Variants in NLRP1 observed in about 807,000 individuals in gnomAD.
NLRP1 encodes the protein NACHT, LRR and PYD domains-containing protein 1.
In NLRP1, 94 loss-of-function variants were observed where a neutral mutation model predicts 136.7. The observed-to-expected ratio is 0.69, with a 90% CI of 0.58 to 0.82. NLRP1 has a LOEUF of 0.82. NLRP1 is among the 40% of genes least tolerant of loss of function. NLRP1 has a pLI of 0.00. For missense variants in NLRP1, 1,575 were observed against 1,802.7 expected (o/e 0.87, Z 2.29); for synonymous variants, 690 against 725.1 (o/e 0.95, Z 0.78).
At chr17:5,530,008 C>T (rs1276855459) in intron 12 of NLRP1, 2 of 456,876 alleles carry the variant, frequency 4.4e-6, no homozygotes, top group Non-Finnish European at 8.8e-6. Context: ...GCCCCTGTTT[C>T]ATGGCTCCAG....
intron 3 of NLRP1, among the ~76,000 whole-genome samples, chr17:5,574,632 A>C (rs1446257892): frequency 6.6e-6 from 1 of 151,920 alleles, no homozygotes; most frequent in Non-Finnish European, 1.5e-5. Flanking sequence ...TACAAGCCAG[A>C]AGAGAGTGGG....
At chr17:5,551,112 C>T (rs1913301943) in intron 5 of NLRP1, among the ~76,000 whole-genome samples, 1 of 152,106 alleles carries the variant, frequency 6.6e-6, no homozygotes, top group Non-Finnish European at 1.5e-5. Context: ...ATTTTGATTG[C>T]TGTAAAATAA....
chr17:5,578,475 G>T (rs1905240505), intron 3 of NLRP1, among the ~76,000 whole-genome samples: 1 of 152,182 alleles, frequency 6.6e-6, no homozygotes, highest in Admixed American at 6.5e-5. Context: ...CTTCTCAAAA[G>T]AAGACATTTA....
chr17:5,501,604 A>T (rs923394041), exon 16 of NLRP1: 23 of 507,520 alleles, frequency 4.5e-5, no homozygotes, highest in African/African-American at 4.5e-4. Context: ...CTGCATCTGT[A>T]TGTGTACAAC....
rs202036104 is a variant in NLRP1, at chr17:5,514,604, A to G, written c.*150T>C. ...CCTGTGGCATCCCTGGCATGGACACATAATGCCCAGCAAAGGCATCATCAA... is the reference window on the plus strand; with the variant it reads ...CCTGTGGCATCCCTGGCATGGACACGTAATGCCCAGCAAAGGCATCATCAA... On this transcript the variant is annotated 3_prime_UTR_variant, in exon 17 of 17. Transcript: ENST00000572272. 2.3e-5 allele frequency: 33 copies of G among 1,463,440 alleles called. No individual in the cohort carries two copies. Among genetic ancestry groups the G allele is most frequent in the Non-Finnish European group, 3.0e-5 (33 of 1,108,222 alleles). 90.7% of individuals were successfully genotyped at this position (1,463,440 alleles called of 1,614,324 possible).
intron 3 of NLRP1, among the ~76,000 whole-genome samples, chr17:5,576,726 T>C (rs1016335413): frequency 2.6e-5 from 4 of 151,844 alleles, no homozygotes; most frequent in Admixed American, 2.6e-4. Flanking sequence ...TTCCAATCAA[T>C]AGAAAAAGAA....
At chr17:5,534,058 CTA>C in intron 8 of NLRP1, 70 bp from the exon 9 acceptor site, 2 of 1,116,260 alleles carry the variant, frequency 1.8e-6, no homozygotes, top group Non-Finnish European at 2.8e-6. Flanking sequence ...GACATTCCCA[CTA>C]AAAATTCAAC....
rs1913647650 is a variant in NLRP1, at chr17:5,553,567, G to C, written c.2358-11C>G. On this transcript the variant is annotated splice_polypyrimidine_tract_variant and intron_variant, in intron 4 of 16. Transcript: ENST00000572272. Reference sequence around the variant, plus strand: ...GGGACCCACCTGAACCTGAGGGGGAGAGAGAAGGACAGGAGAGATGTGATG... The same window carrying C: ...GGGACCCACCTGAACCTGAGGGGGACAGAGAAGGACAGGAGAGATGTGATG... The C allele has an allele frequency of 6.2e-7, 1 of 1,612,012 alleles. No homozygotes were observed. The highest frequency in any genetic ancestry group is 8.5e-7 in the Non-Finnish European group (1 of 1,178,714).
chr17:5,540,158 C>G (rs1911687437), intron 6 of NLRP1, among the ~76,000 whole-genome samples: 1 of 152,176 alleles, frequency 6.6e-6, no homozygotes, highest in Non-Finnish European at 1.5e-5. Flanking sequence ...AATCTGGCTG[C>G]TCATAATAGG....
intron 3 of NLRP1, among the ~76,000 whole-genome samples, chr17:5,568,571 T>C (rs1915556624): frequency 6.6e-6 from 1 of 152,172 alleles, no homozygotes; most frequent in African/African-American, 2.4e-5. Flanking sequence ...TGATGCCTTA[T>C]GGTGAGGTCA....
In NLRP1 at chr17:5,558,407, GT is replaced by G. The variant is rs1452343565; in HGVS notation, c.2288del (p.His763ProfsTer2). Reference protein sequence around the residue: ...VCTFCIKFSRHVKKLQLIEGR... With the variant: ...VCTFCIKFSRXVKKLQLIEGR... Reference sequence around the variant, plus strand: ...CCTCAATCAGCTGAAGCTTCTTCACGTGGCGGCTGAATTTAATGCAGAAAGT... The same window carrying G: ...CCTCAATCAGCTGAAGCTTCTTCACGGGCGGCTGAATTTAATGCAGAAAGT... On this transcript the variant is annotated frameshift_variant, in exon 4 of 17. Coordinates refer to ENST00000572272, the MANE Select transcript of NLRP1 (RefSeq NM_033004.4). LOFTEE classifies it high-confidence loss of function. The G allele has an allele frequency of 6.2e-7, 1 of 1,614,116 alleles. No homozygotes were observed. The highest frequency in any genetic ancestry group is 8.5e-7 in the Non-Finnish European group (1 of 1,180,008).
chr17:5,544,116 C>A (rs117510084), intron 5 of NLRP1, among the ~76,000 whole-genome samples: 2 of 152,212 alleles, frequency 1.3e-5, no homozygotes, highest in African/African-American at 4.8e-5. Context: ...CCACCTCCCT[C>A]CCTCCCTCTA....
downstream of NLRP1, among the ~76,000 whole-genome samples, chr17:5,510,070 C>T (rs892219350): frequency 6.1e-5 from 9 of 148,620 alleles, no homozygotes; most frequent in South Asian, 2.1e-4. Context: ...TATTCTTCTT[C>T]TTCTTTTTTT....
intron 12 of NLRP1, among the ~76,000 whole-genome samples, chr17:5,522,535 G>A (rs1909031440): frequency 6.6e-6 from 1 of 152,200 alleles, no homozygotes; most frequent in South Asian, 2.1e-4. Context: ...TTATTTACAA[G>A]CTACCTAGTT....
In NLRP1 at chr17:5,515,478, C is replaced by A; in HGVS notation, c.4097G>T (p.Arg1366Leu). Residue 1366 changes from arginine to leucine, a missense_variant, in exon 16 of 17, where the codon CGC (arginine) becomes CTC (leucine). Coordinates refer to ENST00000572272, the MANE Select transcript of NLRP1 (RefSeq NM_033004.4). ...CTCTGAGAGCTGTTACTGACCTATGCGGGCTGGAGGGATCAGAGTAGTTGC... is the reference window on the plus strand; with the variant it reads ...CTCTGAGAGCTGTTACTGACCTATGAGGGCTGGAGGGATCAGAGTAGTTGC... ...MPATTLIPPA[R>L]IAVPSPLDAP... 2 of 1,612,810 alleles carry A rather than the reference C, an allele frequency of 1.2e-6. No homozygotes were observed. The highest frequency in any genetic ancestry group is 1.7e-6 in the Non-Finnish European group (2 of 1,178,916).
At chr17:5,527,458 G>C (rs1473325038) in intron 12 of NLRP1, among the ~76,000 whole-genome samples, 1 of 152,090 alleles carries the variant, frequency 6.6e-6, no homozygotes, top group Non-Finnish European at 1.5e-5. Context: ...TGGGACATGG[G>C]CTTGGGCAGG....
chr17:5,530,257 A>T (rs1211728280), intron 12 of NLRP1, among the ~76,000 whole-genome samples: 1 of 152,192 alleles, frequency 6.6e-6, no homozygotes, highest in African/African-American at 2.4e-5. Flanking sequence ...AAAAACTTTC[A>T]AGTAAGTTTA....
chr17:5,530,078 T>A, intron 12 of NLRP1: 1 of 458,340 alleles, frequency 2.2e-6, no homozygotes, highest in Non-Finnish European at 4.4e-6. Context: ...TAGTGATGGC[T>A]TCCTATTGTT....
intron 15 of NLRP1, among the ~76,000 whole-genome samples, chr17:5,507,911 G>A (rs539116185): frequency 6.6e-5 from 10 of 151,786 alleles, no homozygotes; most frequent in African/African-American, 1.2e-4. Flanking sequence ...TTAGGTGGGC[G>A]GATCACAAGG....
Sources: gnomAD v4.1 joint callset for allele counts (sites outside exome capture counted in the v4.1 genomes callset) on GRCh38, gnomAD v4.1.1 for gene constraint, MANE v1.5 for transcripts, NCBI Gene and HGNC (gene_info 2026-07-23, HGNC 2026-07-21) for gene names.